Variants in SPOCK3 observed in about 807,000 individuals in gnomAD.
SPOCK3 encodes SPARC (osteonectin), cwcv and kazal like domains proteoglycan 3, also known as testican-3.
In SPOCK3, 30 loss-of-function variants were observed where a neutral mutation model predicts 56.6. That is an observed-to-expected ratio of 0.53 (90% CI 0.40 to 0.72). The LOEUF (loss-of-function observed/expected upper bound fraction) is 0.72, where lower values mean the gene tolerates loss of function less well. Ranked by LOEUF, SPOCK3 falls within the 30% of genes least tolerant of loss-of-function variation. SPOCK3 has a pLI of 0.00. For synonymous variants in SPOCK3, 196 were observed against 183.3 expected, an observed-to-expected ratio of 1.07 and a Z score of -0.56; for missense variants, 527 against 530.0, an observed-to-expected ratio of 0.99 and a Z score of 0.06.
intron 2 of SPOCK3, among the ~76,000 whole-genome samples, chr4:167,204,423 C>T (rs988213779): frequency 3.3e-5 from 5 of 152,076 alleles, no homozygotes; most frequent in South Asian, 2.1e-4. Flanking sequence ...ACAAGCATGG[C>T]GGAAGGCACC....
At chr4:167,215,130 T>A (rs1735235135) in intron 2 of SPOCK3, among the ~76,000 whole-genome samples, 1 of 152,048 alleles carries the variant, frequency 6.6e-6, no homozygotes, top group South Asian at 2.1e-4. Flanking sequence ...ATGTGCTCCG[T>A]AACTACCAGG....
At chr4:167,061,746 T>C in intron 3 of SPOCK3, among the ~76,000 whole-genome samples, 1 of 152,132 alleles carries the variant, frequency 6.6e-6, no homozygotes, top group Middle Eastern at 3.4e-3. Context: ...ACGGTTACTA[T>C]ATACTCTATG....
intron 6 of SPOCK3, among the ~76,000 whole-genome samples, chr4:166,856,503 C>A (rs555368683): frequency 6.6e-6 from 1 of 152,044 alleles, no homozygotes; most frequent in Admixed American, 6.6e-5. Flanking sequence ...CGGCCAGGCA[C>A]GGTGGCTCAC....
At chr4:166,879,783 C>T (rs1053759596) in intron 6 of SPOCK3, among the ~76,000 whole-genome samples, 5 of 152,080 alleles carry the variant, frequency 3.3e-5, no homozygotes, top group Admixed American at 6.6e-5. Context: ...TTTTAATCTC[C>T]AATGTTGGAG....
intron 2 of SPOCK3, among the ~76,000 whole-genome samples, chr4:167,116,099 T>C (rs1033531806): frequency 6.6e-5 from 10 of 151,658 alleles, no homozygotes; most frequent in African/African-American, 2.4e-4. Flanking sequence ...TCTCATGGAG[T>C]ACAAAATATA....
At chr4:166,805,178 C>A (rs1743027699) in intron 6 of SPOCK3, among the ~76,000 whole-genome samples, 1 of 151,766 alleles carries the variant, frequency 6.6e-6, no homozygotes, top group Non-Finnish European at 1.5e-5. Flanking sequence ...TTCATGAATA[C>A]CTAATTTTCA....
At chr4:166,820,374 A>T (rs1039418129) in intron 6 of SPOCK3, among the ~76,000 whole-genome samples, 2 of 152,112 alleles carry the variant, frequency 1.3e-5, no homozygotes, top group African/African-American at 4.8e-5. Context: ...GTACTGGTAT[A>T]GTACAACAGT....
At chr4:166,748,574 G>A (rs1210203491) in intron 8 of SPOCK3, among the ~76,000 whole-genome samples, 2 of 136,328 alleles carry the variant, frequency 1.5e-5, no homozygotes, top group African/African-American at 6.3e-5. Context: ...ACATAGGCAT[G>A]GGCAAAGACT....
chr4:166,778,035 C>T (rs901155730), intron 7 of SPOCK3, among the ~76,000 whole-genome samples: 1 of 152,142 alleles, frequency 6.6e-6, no homozygotes, highest in African/African-American at 2.4e-5. Context: ...CTTCCTCAAC[C>T]TCCCACACTC....
At chr4:166,864,503 T>C (rs1035743735) in intron 6 of SPOCK3, among the ~76,000 whole-genome samples, 4 of 152,050 alleles carry the variant, frequency 2.6e-5, no homozygotes. Context: ...AGCCTGTTTT[T>C]GTAAAAGATT....
chr4:166,836,811 T>G (rs894087036), intron 6 of SPOCK3, among the ~76,000 whole-genome samples: 1 of 152,210 alleles, frequency 6.6e-6, no homozygotes, highest in African/African-American at 2.4e-5. Context: ...TCCCCGATCT[T>G]GGTATCTGAC....
intron 6 of SPOCK3, among the ~76,000 whole-genome samples, chr4:166,809,335 T>C (rs1015771938): frequency 6.6e-6 from 1 of 152,012 alleles, no homozygotes; most frequent in East Asian, 1.9e-4. Flanking sequence ...GATTATATAC[T>C]GTAGGGCCAC....
intron 6 of SPOCK3, among the ~76,000 whole-genome samples, chr4:166,839,519 G>T (rs1249158236): frequency 6.6e-6 from 1 of 152,098 alleles, no homozygotes; most frequent in Non-Finnish European, 1.5e-5. Context: ...GGCAGACCAT[G>T]GCCAGCCCAC....
chr4:167,058,523 A>G (rs1037190949), intron 3 of SPOCK3, among the ~76,000 whole-genome samples: 7 of 152,328 alleles, frequency 4.6e-5, no homozygotes, highest in Admixed American at 2.6e-4. Flanking sequence ...ATGGAAGAAC[A>G]TTCCATGCTT....
intron 4 of SPOCK3, among the ~76,000 whole-genome samples, chr4:166,957,105 G>A (rs1743585606): frequency 6.6e-6 from 1 of 152,128 alleles, no homozygotes; most frequent in East Asian, 1.9e-4. Context: ...AATACAAAAA[G>A]TTAGCTAGGC....
chr4:166,808,862 T>C (rs1018632447), intron 6 of SPOCK3, among the ~76,000 whole-genome samples: 9 of 152,094 alleles, frequency 5.9e-5, no homozygotes, highest in African/African-American at 2.2e-4. Flanking sequence ...GGAATATTTC[T>C]GTTTGATGGT....
chr4:167,103,834 G>A (rs1004658328), intron 2 of SPOCK3, among the ~76,000 whole-genome samples: 1 of 152,140 alleles, frequency 6.6e-6, no homozygotes, highest in South Asian at 2.1e-4. Context: ...TGTCCCACTG[G>A]TTGTGGCCAC....
At chr4:167,181,348 C>A (rs1384839924) in intron 2 of SPOCK3, among the ~76,000 whole-genome samples, 1 of 152,150 alleles carries the variant, frequency 6.6e-6, no homozygotes, top group Non-Finnish European at 1.5e-5. Context: ...TATCTCCAGT[C>A]CGACCCCTTC....
chr4:167,069,308 C>T (rs1756447071), intron 2 of SPOCK3, among the ~76,000 whole-genome samples: 1 of 151,830 alleles, frequency 6.6e-6, no homozygotes, highest in Non-Finnish European at 1.5e-5. Context: ...GTCTATATCC[C>T]CAGCAGGGCT....
Sources: allele counts gnomAD v4.1 joint callset (sites outside exome capture counted in the v4.1 genomes callset), GRCh38; gene constraint gnomAD v4.1.1; transcripts MANE v1.5; gene names NCBI Gene and HGNC (gene_info 2026-07-23, HGNC 2026-07-21).